CDH18: variants seen among roughly 807,000 people sequenced by gnomAD.
The protein encoded by CDH18 is cadherin-18.
Under a neutral mutation model 67.9 loss-of-function variants are expected in CDH18, and 31 were observed. The ratio of observed to expected loss-of-function variants is 0.46; its 90% CI spans 0.34 to 0.62. The LOEUF is 0.62. Among genes scored for constraint, CDH18 ranks in the 20% least tolerant of loss-of-function variants. CDH18 has a pLI of 0.01. For missense variants in CDH18, 890 were observed against 975.5 expected (o/e 0.91, Z 1.17); for synonymous variants, 362 against 347.2 (o/e 1.04, Z -0.48).
chr5:19,999,902 T>C (rs1736309059), intron 2 of CDH18, among the ~76,000 whole-genome samples: 1 of 152,182 alleles, frequency 6.6e-6, no homozygotes, highest in African/African-American at 2.4e-5. Flanking sequence ...CCACTTATCT[T>C]GTTTTATCGA....
intron 2 of CDH18, among the ~76,000 whole-genome samples, chr5:20,200,343 G>A (rs1739349969): frequency 6.6e-6 from 1 of 152,042 alleles, no homozygotes; most frequent in African/African-American, 2.4e-5. Flanking sequence ...AAAAAAGGGG[G>A]ATTTAATACA....
intron 2 of CDH18, among the ~76,000 whole-genome samples, chr5:19,862,904 G>T (rs1212585888): frequency 6.6e-6 from 1 of 152,168 alleles, no homozygotes; most frequent in East Asian, 1.9e-4. Context: ...AGGAGAAGGG[G>T]GTATGCCAGG....
intron 2 of CDH18, among the ~76,000 whole-genome samples, chr5:20,190,451 G>A (rs1738448870): frequency 6.6e-6 from 1 of 151,992 alleles, no homozygotes; most frequent in African/African-American, 2.4e-5. Context: ...TCTTAACAGT[G>A]CAACAGCCTC....
At chr5:20,457,269 A>G (rs1355919553) in intron 1 of CDH18, among the ~76,000 whole-genome samples, 7 of 152,194 alleles carry the variant, frequency 4.6e-5, no homozygotes, top group Non-Finnish European at 8.8e-5. Context: ...AAAAGAGGAT[A>G]AAAAGATTTC....
At chr5:20,531,146 C>T (rs191555894) in intron 1 of CDH18, among the ~76,000 whole-genome samples, 70 of 152,206 alleles carry the variant, frequency 4.6e-4, no homozygotes, top group African/African-American at 1.6e-3. Flanking sequence ...AATAGCTCAA[C>T]ACCACTGATA....
intron 2 of CDH18, among the ~76,000 whole-genome samples, chr5:20,088,996 TC>T (rs969887468): frequency 6.6e-6 from 1 of 152,072 alleles, no homozygotes; most frequent in Admixed American, 6.6e-5. Flanking sequence ...TAACAGTATT[TC>T]CAAAAAACGG....
chr5:19,534,346 A>G (rs1457060284), intron 9 of CDH18, among the ~76,000 whole-genome samples: 1 of 152,186 alleles, frequency 6.6e-6, no homozygotes, highest in Non-Finnish European at 1.5e-5. Flanking sequence ...GTAAAATGAC[A>G]ATTTATCTCC....
chr5:20,127,601 G>A (rs1321257231), intron 2 of CDH18, among the ~76,000 whole-genome samples: 2 of 152,136 alleles, frequency 1.3e-5, no homozygotes, highest in African/African-American at 2.4e-5. Flanking sequence ...TCACAGAAGG[G>A]CAAACACTGC....
chr5:19,504,370 C>T (rs1743747293), intron 10 of CDH18, among the ~76,000 whole-genome samples: 1 of 152,022 alleles, frequency 6.6e-6, no homozygotes, highest in African/African-American at 2.4e-5. Context: ...AAATAAGTCT[C>T]TATCCTTCTT....
intron 5 of CDH18, among the ~76,000 whole-genome samples, chr5:19,665,855 G>A (rs1299322138): frequency 6.6e-6 from 1 of 151,878 alleles, no homozygotes; most frequent in East Asian, 1.9e-4. Context: ...CAGAACTTTA[G>A]ATTTTTAATA....
At chr5:20,208,362 T>A (rs1460318778) in intron 2 of CDH18, among the ~76,000 whole-genome samples, 1 of 152,100 alleles carries the variant, frequency 6.6e-6, no homozygotes, top group East Asian at 1.9e-4. Flanking sequence ...CCTCACATGT[T>A]GGGATTATGG....
At chr5:20,029,865 G>A (rs1004239811) in intron 2 of CDH18, among the ~76,000 whole-genome samples, 1 of 152,034 alleles carries the variant, frequency 6.6e-6, no homozygotes, top group Admixed American at 6.6e-5. Flanking sequence ...TCAAATTATC[G>A]CAAGGCTGAA....
At chr5:19,574,747 A>G (rs1742029936) in intron 7 of CDH18, among the ~76,000 whole-genome samples, 1 of 151,810 alleles carries the variant, frequency 6.6e-6, no homozygotes, top group Admixed American at 6.6e-5. Flanking sequence ...TCTTAGTTAA[A>G]AAAAAAAATC....
At chr5:19,572,846 AAG>A (rs1397847022) in intron 7 of CDH18, among the ~76,000 whole-genome samples, 57 of 152,274 alleles carry the variant, frequency 3.7e-4, no homozygotes, top group African/African-American at 1.3e-3. Context: ...GCTAACTAGA[AAG>A]AGGATCCTTA....
At chr5:19,791,150 G>C (rs1776309581) in intron 3 of CDH18, among the ~76,000 whole-genome samples, 1 of 152,074 alleles carries the variant, frequency 6.6e-6, no homozygotes. Flanking sequence ...GAAAGAGTTT[G>C]AGATTAGAAA....
At chr5:19,896,791 T>C (rs1391584627) in intron 2 of CDH18, among the ~76,000 whole-genome samples, 2 of 152,304 alleles carry the variant, frequency 1.3e-5, no homozygotes, top group East Asian at 3.9e-4. Flanking sequence ...GTTAGATTGG[T>C]GGACTATATT....
chr5:19,689,484 T>C (rs1465470878), intron 5 of CDH18, among the ~76,000 whole-genome samples: 1 of 151,946 alleles, frequency 6.6e-6, no homozygotes, highest in Non-Finnish European at 1.5e-5. Flanking sequence ...AAGCAAAAAC[T>C]GAAGGAATTT....
At chr5:19,697,466 A>AT (rs748484215) in intron 5 of CDH18, among the ~76,000 whole-genome samples, 1 of 152,166 alleles carries the variant, frequency 6.6e-6, no homozygotes, top group Non-Finnish European at 1.5e-5. Context: ...GTAATGTATG[A>AT]TTTAAAGAAT....
chr5:20,528,917 G>A (rs1294078654), intron 1 of CDH18, among the ~76,000 whole-genome samples: 6 of 151,614 alleles, frequency 4.0e-5, no homozygotes, highest in African/African-American at 1.5e-4. Context: ...AGGAAATAGA[G>A]ACACAAAAAC....
Sources: allele counts gnomAD v4.1 joint callset (sites outside exome capture counted in the v4.1 genomes callset), GRCh38; gene constraint gnomAD v4.1.1; transcripts MANE v1.5; gene names NCBI Gene and HGNC (gene_info 2026-07-23, HGNC 2026-07-21).